CSMD1: variants seen among roughly 807,000 people sequenced by gnomAD.
CSMD1 encodes CUB and Sushi multiple domains 1.
Under a neutral mutation model 417.5 loss-of-function variants are expected in CSMD1, and 213 were observed. The ratio of observed to expected loss-of-function variants is 0.51; its 90% CI spans 0.46 to 0.57. The LOEUF is 0.57. Among genes scored for constraint, CSMD1 ranks in the 20% least tolerant of loss-of-function variants. The pLI is 0.00. For missense variants in CSMD1, 6,923 were observed against 4,529.7 expected, an observed-to-expected ratio of 1.53 and a Z score of -15.17; for synonymous variants, 2,862 against 1,736.8, an observed-to-expected ratio of 1.65 and a Z score of -16.11.
At chr8:3,409,904 C>T (rs1450086372) in intron 12 of CSMD1, among the ~76,000 whole-genome samples, 1 of 152,190 alleles carries the variant, frequency 6.6e-6, no homozygotes, top group Non-Finnish European at 1.5e-5. Context: ...TGGATACCTC[C>T]GATCTTTTAT....
intron 5 of CSMD1, among the ~76,000 whole-genome samples, chr8:3,869,097 G>C (rs1045619330): frequency 6.6e-6 from 1 of 152,150 alleles, no homozygotes; most frequent in African/African-American, 2.4e-5. Flanking sequence ...CTGGTGTCTA[G>C]TGTCACTCTC....
rs1352867678 is a variant in CSMD1, at chr8:4,456,997, A to AAAC, written c.303-36935_303-36933dup. Reference sequence around the variant, plus strand: ...TGTGGTTTTTTTTTAAAAAAAAAAAAAACAACAAGAAAAGAAAATCAATGT... The same window carrying AAAC: ...TGTGGTTTTTTTTTAAAAAAAAAAAAAACAACAACAAGAAAAGAAAATCAATGT... On this transcript the variant is annotated intron_variant, in intron 2 of 69. Transcript: ENST00000635120. Among the ~76,000 whole-genome samples the AAAC allele has an allele frequency of 3.2e-3, 479 of 151,614 alleles. 5 individuals carry two copies. Among genetic ancestry groups the AAAC allele is most frequent in the African/African-American group, 0.011 (455 of 41,386 alleles).
intron 26 of CSMD1, chr8:3,278,659 T>C (rs1319997394): frequency 6.6e-6 from 1 of 152,202 alleles, no homozygotes; most frequent in African/African-American, 2.4e-5. Flanking sequence ...TCCTCGTTTT[T>C]TTTTTGGTCC....
At chr8:4,272,394 A>G (rs1350519509) in intron 3 of CSMD1, among the ~76,000 whole-genome samples, 2 of 152,164 alleles carry the variant, frequency 1.3e-5, no homozygotes, top group African/African-American at 4.8e-5. Context: ...AGTTTCCAAG[A>G]CCTATAGACA....
chr8:4,595,736 T>C (rs1460652777), intron 2 of CSMD1, among the ~76,000 whole-genome samples: 1 of 152,142 alleles, frequency 6.6e-6, no homozygotes, highest in Non-Finnish European at 1.5e-5. Flanking sequence ...ACTTTGTTTC[T>C]AAAAAACAAA....
intron 12 of CSMD1, among the ~76,000 whole-genome samples, chr8:3,415,045 A>T (rs1813044937): frequency 6.6e-6 from 1 of 152,192 alleles, no homozygotes; most frequent in Admixed American, 6.5e-5. Context: ...AACACACAAC[A>T]GATGCTTTTC....
chr8:4,448,108 G>C (rs1039697000), intron 2 of CSMD1, among the ~76,000 whole-genome samples: 17 of 152,126 alleles, frequency 1.1e-4, no homozygotes, highest in Admixed American at 1.0e-3. Context: ...CTATGTTCTT[G>C]ATCTCTTCCT....
At chr8:3,876,391 C>G (rs1246518531) in intron 5 of CSMD1, among the ~76,000 whole-genome samples, 6 of 152,158 alleles carry the variant, frequency 3.9e-5, no homozygotes, top group Non-Finnish European at 8.8e-5. Flanking sequence ...AATAAACTTT[C>G]CTGTATTTCT....
intron 4 of CSMD1, among the ~76,000 whole-genome samples, chr8:4,023,748 G>C (rs997599283): frequency 2.9e-5 from 4 of 136,158 alleles, no homozygotes; most frequent in African/African-American, 1.1e-4. Context: ...CGCTACGCTC[G>C]GCTAATTTTT....
intron 3 of CSMD1, among the ~76,000 whole-genome samples, chr8:4,046,265 T>G (rs1798141817): frequency 6.6e-6 from 1 of 152,206 alleles, no homozygotes; most frequent in African/African-American, 2.4e-5. Flanking sequence ...TTCTAATTAT[T>G]GAATTCTTGG....
chr8:3,127,135 G>A (rs1817551450), intron 41 of CSMD1, among the ~76,000 whole-genome samples: 1 of 152,170 alleles, frequency 6.6e-6, no homozygotes, highest in Non-Finnish European at 1.5e-5. Context: ...CAAACTAAGG[G>A]GAATCTTAGC....
chr8:2,941,837 A>T (rs1465918710), intron 69 of CSMD1, among the ~76,000 whole-genome samples: 1 of 152,246 alleles, frequency 6.6e-6, no homozygotes, highest in Non-Finnish European at 1.5e-5. Context: ...CATAGAGAAC[A>T]TTCTGTTCAC....
intron 3 of CSMD1, among the ~76,000 whole-genome samples, chr8:4,147,786 G>C (rs1585420575): frequency 6.6e-6 from 1 of 152,050 alleles, no homozygotes; most frequent in East Asian, 1.9e-4. Flanking sequence ...ATCAGAGCCT[G>C]ACCCAATGTG....
chr8:4,931,565 G>A (rs1023293331), intron 1 of CSMD1, among the ~76,000 whole-genome samples: 9 of 134,554 alleles, frequency 6.7e-5, no homozygotes, highest in Non-Finnish European at 1.1e-4. Flanking sequence ...GACTATAGCT[G>A]ATTTCAAGAA....
At chr8:3,676,387 T>G (rs1307426313) in intron 7 of CSMD1, among the ~76,000 whole-genome samples, 1 of 152,188 alleles carries the variant, frequency 6.6e-6, no homozygotes, top group East Asian at 1.9e-4. Flanking sequence ...AGATGAAAAC[T>G]TATATACCAA....
chr8:4,098,385 T>C lies in CSMD1; in HGVS notation c.416-66286A>G, dbSNP rs78371333. Among the ~76,000 whole-genome samples the C allele has an allele frequency of 3.0e-4, 44 of 148,372 alleles. No homozygotes were observed. The East Asian group carries it at 7.9e-3, about 27-fold the overall frequency. ...ACTATTTTTTTTCTACAAAATTTAA[T>C]TTTCCAAAATGGATTTGTCATTTTT... On this transcript the variant is annotated intron_variant, in intron 3 of 69. Coordinates refer to ENST00000635120, the MANE Select transcript of CSMD1 (RefSeq NM_033225.6).
chr8:3,112,503 C>T (rs978797073), intron 42 of CSMD1, among the ~76,000 whole-genome samples: 3 of 152,158 alleles, frequency 2.0e-5, no homozygotes, highest in Admixed American at 6.6e-5. Context: ...ATTATTTATG[C>T]CACTGAATAC....
intron 3 of CSMD1, among the ~76,000 whole-genome samples, chr8:4,306,818 C>G (rs950908353): frequency 2.2e-5 from 3 of 135,740 alleles, no homozygotes; most frequent in African/African-American, 5.6e-5. Flanking sequence ...CCAATCAATC[C>G]CTAACATCTC....
chr8:4,764,906 A>AC (rs202247709), intron 1 of CSMD1, among the ~76,000 whole-genome samples: 3,891 of 147,826 alleles, frequency 0.026, 93 homozygotes, highest in Middle Eastern at 0.051. Flanking sequence ...AACAACAACA[A>AC]AAAAAAACCT....
Sources: allele counts gnomAD v4.1 joint callset (sites outside exome capture counted in the v4.1 genomes callset), GRCh38; gene constraint gnomAD v4.1.1; transcripts MANE v1.5; gene names NCBI Gene and HGNC (gene_info 2026-07-23, HGNC 2026-07-21).